The following KCNN2 variants were observed in gnomAD, a reference collection of about 807,000 sequenced individuals.
KCNN2 encodes the protein small conductance calcium-activated potassium channel protein 2.
A neutral mutation model predicts 55.5 loss-of-function variants in KCNN2; 24 were observed. The ratio of observed to expected loss-of-function variants is 0.43; its 90% CI spans 0.31 to 0.61. The LOEUF (loss-of-function observed/expected upper bound fraction) is 0.61. KCNN2 is among the 20% of genes least tolerant of loss of function. The pLI, the probability that KCNN2 is intolerant of heterozygous loss-of-function variation, is 0.08. For missense variants in KCNN2, 754 were observed against 853.6 expected, an observed-to-expected ratio of 0.88 and a Z score of 1.45; for synonymous variants, 431 against 336.1, an observed-to-expected ratio of 1.28 and a Z score of -3.09.
intron 2 of KCNN2, among the ~76,000 whole-genome samples, chr5:114,287,132 G>C (rs1478879778): frequency 6.6e-6 from 1 of 152,158 alleles, no homozygotes. Flanking sequence ...GACCAAAAGA[G>C]TAGAGGGTGA....
chr5:114,277,161 T>C (rs1482946719), intron 2 of KCNN2, among the ~76,000 whole-genome samples: 2 of 152,172 alleles, frequency 1.3e-5, no homozygotes, highest in African/African-American at 4.8e-5. Context: ...GTTGAATATT[T>C]GCCCCCAATC....
chr5:114,068,571 C>T (rs1750498359), intron 1 of KCNN2, among the ~76,000 whole-genome samples: 3 of 152,176 alleles, frequency 2.0e-5, no homozygotes, highest in African/African-American at 7.2e-5. Context: ...ATTTCAGAGT[C>T]CTCACACATA....
At chr5:114,428,681 A>G (rs1385048444) in intron 3 of KCNN2, among the ~76,000 whole-genome samples, 2 of 152,080 alleles carry the variant, frequency 1.3e-5, no homozygotes, top group Admixed American at 6.5e-5. Context: ...GAATATATCC[A>G]CTGCCCTAAA....
At chr5:114,459,615 C>T (rs1173194643) in intron 3 of KCNN2, among the ~76,000 whole-genome samples, 1 of 152,120 alleles carries the variant, frequency 6.6e-6, no homozygotes, top group Non-Finnish European at 1.5e-5. Flanking sequence ...ATTACCTCAT[C>T]TTGAATATTC....
At chr5:114,302,488 A>C (rs982008149) in intron 2 of KCNN2, among the ~76,000 whole-genome samples, 2 of 152,214 alleles carry the variant, frequency 1.3e-5, no homozygotes, top group Non-Finnish European at 2.9e-5. Context: ...TTATAATGGA[A>C]GAAACTGAAG....
chr5:114,094,969 C>G (rs1751226985), intron 1 of KCNN2, among the ~76,000 whole-genome samples: 1 of 151,974 alleles, frequency 6.6e-6, no homozygotes, highest in Admixed American at 6.6e-5. Context: ...ACTGCTTTAT[C>G]TTATGGCTGT....
chr5:114,269,866 C>T (rs1206993523), intron 2 of KCNN2, among the ~76,000 whole-genome samples: 1 of 152,126 alleles, frequency 6.6e-6, no homozygotes, highest in East Asian at 1.9e-4. Context: ...GGAATGTCTG[C>T]ATATTAATTT....
At chr5:114,360,232 T>C (rs541223440), upstream of KCNN2, among the ~76,000 whole-genome samples, 2 of 152,090 alleles carry the variant, frequency 1.3e-5, no homozygotes, top group Admixed American at 1.3e-4. Flanking sequence ...ACACAAAAAA[T>C]TAAAATTAAC....
In KCNN2 at chr5:114,463,144, C is replaced by T; in HGVS notation, c.1733C>T (p.Pro578Leu). The T allele has an allele frequency of 6.2e-7, 1 of 1,613,274 alleles. No homozygotes were observed. The change falls in exon 4 of 8, where the codon CCT becomes CTT. Residue 578 changes from proline (P) to leucine (L), a missense_variant. Physicochemically the swap from Pro to Leu is moderately conservative, Grantham distance 98. Coordinates refer to ENST00000673685, the MANE Select transcript of KCNN2 (RefSeq NM_021614.4). Reference protein sequence around the residue: ...FLSIGYGDMVPNTYCGKGVCL... With the variant: ...FLSIGYGDMVLNTYCGKGVCL... ...TCCATTGGTTATGGTGACATGGTAC[C>T]TAACACATACTGTGGAAAAGGAGTC...
chr5:114,272,665 T>A (rs1755379601), intron 2 of KCNN2, among the ~76,000 whole-genome samples: 1 of 152,180 alleles, frequency 6.6e-6, no homozygotes, highest in African/African-American at 2.4e-5. Flanking sequence ...AGATTTTTTC[T>A]CTATGGCTTA....
At chr5:114,231,711 T>A (rs1281411108) in intron 2 of KCNN2, among the ~76,000 whole-genome samples, 7 of 151,132 alleles carry the variant, frequency 4.6e-5, no homozygotes, top group Non-Finnish European at 1.0e-4. Context: ...TGACAGCCAA[T>A]TAAGGGAAAA....
At chr5:114,232,479 A>G (rs961161234) in intron 2 of KCNN2, among the ~76,000 whole-genome samples, 10 of 151,062 alleles carry the variant, frequency 6.6e-5, no homozygotes, top group African/African-American at 2.5e-4. Context: ...GTCTGTCCAC[A>G]TGTACTCCAG....
intron 2 of KCNN2, among the ~76,000 whole-genome samples, chr5:114,316,585 C>T (rs1295840537): frequency 1.3e-5 from 2 of 152,100 alleles, no homozygotes; most frequent in African/African-American, 4.8e-5. Flanking sequence ...TCACTTTGAT[C>T]CTGTGTTATT....
intron 1 of KCNN2, among the ~76,000 whole-genome samples, chr5:114,174,255 G>T (rs1753095679): frequency 6.6e-6 from 1 of 152,116 alleles, no homozygotes; most frequent in Admixed American, 6.6e-5. Context: ...TAAGATACAT[G>T]AACCCTGCTG....
chr5:114,165,464 G>A (rs905908498), intron 1 of KCNN2, among the ~76,000 whole-genome samples: 14 of 152,132 alleles, frequency 9.2e-5, no homozygotes, highest in African/African-American at 2.9e-4. Context: ...CAATAAATTG[G>A]TTTATTACTT....
chr5:114,167,055 G>A (rs1000334580), intron 1 of KCNN2, among the ~76,000 whole-genome samples: 6 of 152,076 alleles, frequency 3.9e-5, no homozygotes, highest in Admixed American at 1.3e-4. Flanking sequence ...AGTATTTTGC[G>A]ATAGCAGCCC....
At chr5:114,339,814 C>CAAAT (rs373432627) in intron 2 of KCNN2, among the ~76,000 whole-genome samples, 21,316 of 146,984 alleles carry the variant, frequency 0.15, 1,811 homozygotes, top group African/African-American at 0.22. Context: ...AACAAACAAA[C>CAAAT]AAATAAATAA....
chr5:114,370,635 G>A (rs1757735486), intron 2 of KCNN2, among the ~76,000 whole-genome samples: 1 of 152,006 alleles, frequency 6.6e-6, no homozygotes, highest in Non-Finnish European at 1.5e-5. Context: ...TATTGCCAGA[G>A]TCTGGGAACT....
chr5:114,262,901 T>A (rs990206317), intron 2 of KCNN2, among the ~76,000 whole-genome samples: 2 of 152,136 alleles, frequency 1.3e-5, no homozygotes, highest in African/African-American at 4.8e-5. Flanking sequence ...TATCTAAATG[T>A]CCCAATAATA....
Sources: allele counts gnomAD v4.1 joint callset (sites outside exome capture counted in the v4.1 genomes callset), GRCh38; gene constraint gnomAD v4.1.1; transcripts MANE v1.5; gene names NCBI Gene and HGNC (gene_info 2026-07-23, HGNC 2026-07-21).